GRID2: variants seen among roughly 807,000 people sequenced by gnomAD.
GRID2 encodes the protein glutamate receptor ionotropic, delta-2.
A neutral mutation model predicts 114.8 loss-of-function variants in GRID2; 33 were observed. That is an observed-to-expected ratio of 0.29 (90% CI 0.22 to 0.38). The LOEUF (loss-of-function observed/expected upper bound fraction) is 0.38. Ranked by LOEUF, GRID2 falls within the 10% of genes least tolerant of loss-of-function variation. The pLI, the probability that GRID2 is intolerant of heterozygous loss-of-function variation, is 1.00. For missense variants in GRID2, 1,184 were observed against 1,257.7 expected, an observed-to-expected ratio of 0.94 and a Z score of 0.89; for synonymous variants, 505 against 449.9, an observed-to-expected ratio of 1.12 and a Z score of -1.55.
chr4:93,410,154 A>G (rs1391094049), intron 9 of GRID2, among the ~76,000 whole-genome samples: 1 of 152,194 alleles, frequency 6.6e-6, no homozygotes, highest in Non-Finnish European at 1.5e-5. Flanking sequence ...TAAAAAAACT[A>G]AATGAGGTAA....
chr4:92,935,713 T>G (rs1420859772), intron 2 of GRID2, among the ~76,000 whole-genome samples: 1 of 146,732 alleles, frequency 6.8e-6, no homozygotes, highest in Non-Finnish European at 1.5e-5. Flanking sequence ...CCATAAAAAA[T>G]GATGAGTTCA....
intron 2 of GRID2, among the ~76,000 whole-genome samples, chr4:92,725,620 C>T (rs1194826008): frequency 6.6e-6 from 1 of 152,008 alleles, no homozygotes; most frequent in African/African-American, 2.4e-5. Context: ...ATGGAAGTGA[C>T]AGGAATCTTG....
intron 2 of GRID2, among the ~76,000 whole-genome samples, chr4:92,855,182 G>A (rs1744088874): frequency 6.6e-6 from 1 of 151,982 alleles, no homozygotes; most frequent in South Asian, 2.1e-4. Flanking sequence ...ACAAATGAAT[G>A]TCCTATTCAC....
At chr4:92,902,481 G>T (rs904554477) in intron 2 of GRID2, among the ~76,000 whole-genome samples, 50 of 151,930 alleles carry the variant, frequency 3.3e-4, no homozygotes, top group Non-Finnish European at 7.4e-5. Context: ...TACTAGCTAT[G>T]AAGACACTTT....
In GRID2 at chr4:93,554,835, C is replaced by G. The variant is rs538483633; in HGVS notation, c.2193+39424C>G. Among the ~76,000 whole-genome samples, 3 of 152,282 alleles carry G rather than the reference C, an allele frequency of 2.0e-5. No homozygotes were observed. In the South Asian group the frequency reaches 6.2e-4, roughly 32 times the overall value. On this transcript the variant is annotated intron_variant, in intron 13 of 15. Transcript: ENST00000282020. ...GGCTGGCAAGATGGCTGAATAGGAA[C>G]AGCTCTGGTCTTCAGCTCCCAGCAA...
chr4:92,406,983 G>A (rs1731059902), intron 1 of GRID2, among the ~76,000 whole-genome samples: 2 of 151,914 alleles, frequency 1.3e-5, no homozygotes, highest in Admixed American at 1.3e-4. Flanking sequence ...AGGTTTAATT[G>A]GCTCACAGTT....
intron 1 of GRID2, among the ~76,000 whole-genome samples, chr4:92,358,236 T>A (rs1221718087): frequency 6.6e-6 from 1 of 152,016 alleles, no homozygotes; most frequent in Non-Finnish European, 1.5e-5. Flanking sequence ...AGAGCGGTAA[T>A]GAGCTTTCAT....
At chr4:92,767,298 G>A (rs1457627479) in intron 2 of GRID2, among the ~76,000 whole-genome samples, 2 of 152,090 alleles carry the variant, frequency 1.3e-5, no homozygotes, top group Non-Finnish European at 2.9e-5. Context: ...TAACTTGCCT[G>A]TAACTTTCAG....
chr4:92,927,778 C>A (rs1320499573), intron 2 of GRID2, among the ~76,000 whole-genome samples: 2 of 151,526 alleles, frequency 1.3e-5, no homozygotes, highest in Non-Finnish European at 3.0e-5. Context: ...TATTTACAAG[C>A]CTTTTTGTGA....
At chr4:93,271,387 T>C (rs1751441185) in intron 8 of GRID2, among the ~76,000 whole-genome samples, 1 of 152,090 alleles carries the variant, frequency 6.6e-6, no homozygotes, top group African/African-American at 2.4e-5. Context: ...ATGAAGGGGT[T>C]TTCCTCTTCT....
chr4:92,392,531 C>G (rs921165675), intron 1 of GRID2, among the ~76,000 whole-genome samples: 1 of 152,090 alleles, frequency 6.6e-6, no homozygotes, highest in Middle Eastern at 3.4e-3. Flanking sequence ...GAGTGAGACT[C>G]TGTCTCAAAA....
intron 1 of GRID2, among the ~76,000 whole-genome samples, chr4:92,546,820 C>T (rs1726287069): frequency 6.6e-6 from 1 of 152,134 alleles, no homozygotes; most frequent in Admixed American, 6.5e-5. Flanking sequence ...TTAATATGTT[C>T]AGTGGAGATT....
At chr4:93,309,845 C>G (rs1755826650) in intron 8 of GRID2, among the ~76,000 whole-genome samples, 1 of 152,080 alleles carries the variant, frequency 6.6e-6, no homozygotes, top group Non-Finnish European at 1.5e-5. Context: ...GAGACCTATT[C>G]CCCTTATGAG....
chr4:93,461,828 A>C (rs1270693525), intron 11 of GRID2, among the ~76,000 whole-genome samples: 1 of 152,148 alleles, frequency 6.6e-6, no homozygotes, highest in African/African-American at 2.4e-5. Flanking sequence ...ATGTCTACAT[A>C]CATCTCCTTT....
intron 2 of GRID2, among the ~76,000 whole-genome samples, chr4:92,677,556 C>T (rs1012257826): frequency 1.4e-4 from 22 of 152,172 alleles, no homozygotes; most frequent in Middle Eastern, 3.4e-3. Context: ...CCAAATTGAA[C>T]TCTTGATCTC....
At chr4:93,457,024 A>G (rs1000893443) in intron 11 of GRID2, among the ~76,000 whole-genome samples, 1 of 152,188 alleles carries the variant, frequency 6.6e-6, no homozygotes, top group Non-Finnish European at 1.5e-5. Flanking sequence ...TTCAGTAAAT[A>G]TTTAATCCAC....
In GRID2 at chr4:93,422,763, C is replaced by T. The variant is rs1164037917; in HGVS notation, c.1348-8C>T. On this transcript the variant is annotated splice_polypyrimidine_tract_variant and splice_region_variant and intron_variant, in intron 9 of 15. Transcript: ENST00000282020. ...TTGACATCAGAAATTTCTCTTATTT[C>T]CATGTAGGAAGAACCTTTTGTGATG... 1 of 1,590,576 alleles carries T rather than the reference C, an allele frequency of 6.3e-7. No individual in the cohort carries two copies. The highest frequency in any genetic ancestry group is 1.1e-5 in the South Asian group (1 of 90,364).
At chr4:92,658,547 C>T (rs1732358598) in intron 2 of GRID2, among the ~76,000 whole-genome samples, 1 of 151,598 alleles carries the variant, frequency 6.6e-6, no homozygotes, top group Non-Finnish European at 1.5e-5. Context: ...TTAATGCTTA[C>T]AATTTTCTTT....
intron 2 of GRID2, among the ~76,000 whole-genome samples, chr4:92,632,476 T>C (rs1025814374): frequency 5.9e-5 from 9 of 151,810 alleles, no homozygotes; most frequent in African/African-American, 2.2e-4. Context: ...TCTACTAAAA[T>C]ACAAAAATGA....
Sources: allele counts gnomAD v4.1 joint callset (sites outside exome capture counted in the v4.1 genomes callset), GRCh38; gene constraint gnomAD v4.1.1; transcripts MANE v1.5; gene names NCBI Gene and HGNC (gene_info 2026-07-23, HGNC 2026-07-21).